The following DELE1 variants were observed in gnomAD, a reference collection of about 807,000 sequenced individuals.
DELE1 encodes death ligand signal enhancer.
A neutral mutation model predicts 59.3 loss-of-function variants in DELE1; 54 were observed. That is an observed-to-expected ratio of 0.91 (90% CI 0.73 to 1.14). The LOEUF is 1.14. Among genes scored for constraint, DELE1 ranks in the 50% most tolerant of loss-of-function variants. The probability of loss-of-function intolerance (pLI) is 0.00; values close to 1 mark genes in which losing one functional copy is unlikely to be tolerated. For missense variants in DELE1, 636 were observed against 643.9 expected (o/e 0.99, Z 0.13); for synonymous variants, 264 against 259.1 (o/e 1.02, Z -0.18).
chr5:141,926,564 A>G (rs1751440429), intron 3 of DELE1, among the ~76,000 whole-genome samples: 1 of 152,194 alleles, frequency 6.6e-6, no homozygotes, highest in Admixed American at 6.5e-5. Flanking sequence ...TGACACACAC[A>G]TCACTCTCAT....
At position 141,939,502 on chromosome 5, in the gene DELE1, G is replaced by T. The variant is rs781321302; in HGVS notation, c.*743G>T. ...TCGTTTTCATTTCACCTTTGATTTGGAAGGAAGAAGTTTCTTGCCCAAATG... is the reference window on the plus strand; with the variant it reads ...TCGTTTTCATTTCACCTTTGATTTGTAAGGAAGAAGTTTCTTGCCCAAATG... On this transcript the variant is annotated 3_prime_UTR_variant, in exon 12 of 12. Coordinates refer to ENST00000432126, the MANE Select transcript of DELE1 (RefSeq NM_014773.5). 1.0e-6 allele frequency: 1 copy of T among 985,698 alleles called. No homozygotes were observed. The allele number at this position is 985,698 out of a possible 1,614,324, so 61.1% of individuals were successfully genotyped here.
At position 141,940,152 on chromosome 5, in the gene DELE1, A is replaced by G. The variant is rs1752651057; in HGVS notation, c.*1393A>G. The G allele has an allele frequency of 4.1e-6, 4 of 985,284 alleles. No homozygotes were observed. The highest frequency in any genetic ancestry group is 4.8e-6 in the Non-Finnish European group (4 of 829,792). The allele number at this position is 985,284 out of a possible 1,614,324, so 61.0% of individuals were successfully genotyped here. A position where few individuals can be genotyped will look rare whatever the true frequency, so the allele number is the denominator to read the frequency against. ...AATAAAACAGATATTGGATTATCTC[A>G]TCACTCTTGCCCTTGAGTATTATGG... On this transcript the variant is annotated 3_prime_UTR_variant, in exon 12 of 12. Transcript: ENST00000432126.
chr5:141,924,977 G>A (rs910836974), intron 2 of DELE1, among the ~76,000 whole-genome samples: 1 of 151,818 alleles, frequency 6.6e-6, no homozygotes, highest in African/African-American at 2.4e-5. Context: ...GCCCAGGCTG[G>A]AGTGCAGTGG....
At position 141,930,284 on chromosome 5, in the gene DELE1, T is replaced by C. The variant is rs547008897; in HGVS notation, c.754+10T>C. On this transcript the variant is annotated intron_variant, in intron 7 of 11. Transcript: ENST00000432126. ...GCTTTCAACTTCCTGGGTAACCAAATGGACCCTGCCCCAAGGCAGGAGGGT... is the reference window on the plus strand; with the variant it reads ...GCTTTCAACTTCCTGGGTAACCAAACGGACCCTGCCCCAAGGCAGGAGGGT... The C allele has an allele frequency of 5.0e-6, 8 of 1,597,996 alleles. No individual in the cohort carries two copies. The African/African-American group carries it at 1.1e-4, about 21-fold the overall frequency.
chr5:141,940,212 G>A lies in DELE1; in HGVS notation c.*1453G>A. 1 of 985,444 alleles carries A rather than the reference G, an allele frequency of 1.0e-6. No homozygotes were observed. The highest frequency in any genetic ancestry group is 1.2e-6 in the Non-Finnish European group (1 of 829,950). The allele number at this position is 985,444 out of a possible 1,614,324, so 61.0% of individuals were successfully genotyped here. On this transcript the variant is annotated 3_prime_UTR_variant, in exon 12 of 12. Transcript: ENST00000432126. Reference sequence around the variant, plus strand: ...GGGAGACGGGCAGGGGGAGCTGAAAGCTGAGGCTCCGTCCTCATCTCTAAA... The same window carrying A: ...GGGAGACGGGCAGGGGGAGCTGAAAACTGAGGCTCCGTCCTCATCTCTAAA...
chr5:141,926,455 A>T (rs1347201117), intron 3 of DELE1, among the ~76,000 whole-genome samples: 1 of 152,216 alleles, frequency 6.6e-6, no homozygotes, highest in Non-Finnish European at 1.5e-5. Context: ...ATAAGGTCAG[A>T]TTCTTACTAG....
At chr5:141,937,795 G>A (rs1752490952) in intron 11 of DELE1, among the ~76,000 whole-genome samples, 1 of 145,440 alleles carries the variant, frequency 6.9e-6, no homozygotes, top group African/African-American at 2.5e-5. Context: ...AAAAAAGAAT[G>A]CAGCTTTTGG....
rs1488266550 is a variant in DELE1 at position 141,933,107 on chromosome 5, AAAAAATAT to A, written c.755-150_755-143del. The A allele has an allele frequency of 2.2e-3, 332 of 153,360 alleles. 2 individuals are homozygous for A. Among genetic ancestry groups the A allele is most frequent in the African/African-American group, 9.0e-3 (322 of 35,702 alleles). The allele number at this position is 153,360 out of a possible 1,614,324, so 9.5% of individuals were successfully genotyped here. ...AAGACTCCATCTCAAAAAAAAAAAA[AAAAAATAT>A]ATATATATATATATATATATGTAAA... On this transcript the variant is annotated intron_variant, in intron 7 of 11. Coordinates refer to ENST00000432126, the MANE Select transcript of DELE1 (RefSeq NM_014773.5).
At chr5:141,926,988 C>T (rs772485526) in intron 3 of DELE1, among the ~76,000 whole-genome samples, 1 of 152,236 alleles carries the variant, frequency 6.6e-6, no homozygotes, top group African/African-American at 2.4e-5. Flanking sequence ...CCACACGTCA[C>T]CCCCACAGAC....
intron 3 of DELE1, among the ~76,000 whole-genome samples, chr5:141,925,845 G>A (rs1296254610): frequency 1.1e-5 from 1 of 87,224 alleles, no homozygotes; most frequent in Non-Finnish European, 2.0e-5. Flanking sequence ...ATAATACATT[G>A]CATCTTTTTT....
In DELE1 at chr5:141,925,499, C is replaced by T. The variant is rs781438904; in HGVS notation, c.236C>T (p.Pro79Leu). Residue 79 changes from proline (P) to leucine (L), a missense_variant, in exon 3 of 12, where the codon CCG (proline) becomes CTG (leucine). Coordinates refer to ENST00000432126, the MANE Select transcript of DELE1 (RefSeq NM_014773.5). ...CAATGGATGTCTTCCCGTGTCTCCC[C>T]GAACACCCTATGGGATGCCATATCT... The part of the protein sequence containing the change: ...AFQWMSSRVS[P>L]NTLWDAISWG... 2.7e-5 allele frequency: 43 copies of T among 1,601,996 alleles called. No individual in the cohort carries two copies. The highest frequency in any genetic ancestry group is 1.7e-4 in the Middle Eastern group (1 of 6,050).
chr5:141,938,280 C>T (rs1752525706), intron 11 of DELE1, among the ~76,000 whole-genome samples: 1 of 152,148 alleles, frequency 6.6e-6, no homozygotes, highest in South Asian at 2.1e-4. Context: ...TTAGCACAGC[C>T]TGACAGCACA....
Position 141,924,758 on chromosome 5 carries a change from T to A in DELE1, c.146+63T>A, listed in dbSNP as rs1054631031. Reference sequence around the variant, plus strand: ...AGTCACCCTTTTTTTTTATTTTTTTTTTTTTGTTGTTTTTTGAGATGGAGT... The same window carrying A: ...AGTCACCCTTTTTTTTTATTTTTTTATTTTTGTTGTTTTTTGAGATGGAGT... On this transcript the variant is annotated intron_variant, in intron 2 of 11. Coordinates refer to ENST00000432126, the MANE Select transcript of DELE1 (RefSeq NM_014773.5). 5.6e-4 allele frequency: 596 copies of A among 1,060,540 alleles called. 5 individuals carry two copies. Among genetic ancestry groups the A allele is most frequent in the Non-Finnish European group, 5.1e-4 (365 of 720,192 alleles). 65.7% of individuals were successfully genotyped at this position (1,060,540 alleles called of 1,614,324 possible). A position where few individuals can be genotyped will look rare whatever the true frequency, so the allele number is the denominator to read the frequency against.
Position 141,941,477 on chromosome 5 carries a change from C to T in DELE1, c.*2718C>T, listed in dbSNP as rs1451896826. The stretch of plus-strand genomic sequence containing the variant: ...CTTGATCCAGCCCCAGGGGGATGGG[C>T]TTCACTGGCAGAGCTGGGTACTGCT... On this transcript the variant is annotated 3_prime_UTR_variant, in exon 12 of 12. Coordinates refer to ENST00000432126, the MANE Select transcript of DELE1 (RefSeq NM_014773.5). The T allele has an allele frequency of 2.0e-6, 2 of 985,374 alleles. No homozygotes were observed. The highest frequency in any genetic ancestry group is 1.7e-5 in the African/African-American group (1 of 57,248). The allele number at this position is 985,374 out of a possible 1,614,324, so 61.0% of individuals were successfully genotyped here.
At chr5:141,938,227 C>G (rs905149079) in intron 11 of DELE1, among the ~76,000 whole-genome samples, 12 of 152,162 alleles carry the variant, frequency 7.9e-5, no homozygotes, top group African/African-American at 2.9e-4. Flanking sequence ...GCACCTAACT[C>G]ATTAAGTTGT....
At position 141,937,319 on chromosome 5, in the gene DELE1, AG is replaced by A; in HGVS notation, c.1273del (p.Glu425ArgfsTer19). The stretch of plus-strand genomic sequence containing the variant: ...GCCGCTCTGGGAAATGAGGCCGCCC[AG>A]GAGAGGCTGCGAGCCCTCTTTTCCA... ...QSAALGNEAA[Q>X]ERLRALFSMG... On this transcript the variant is annotated frameshift_variant, in exon 11 of 12. Transcript: ENST00000432126. LOFTEE classifies it high-confidence loss of function. 6.2e-7 allele frequency: 1 copy of A among 1,614,206 alleles called. No individual in the cohort carries two copies. Among genetic ancestry groups the A allele is most frequent in the Non-Finnish European group, 8.5e-7 (1 of 1,180,048 alleles).
In DELE1 at chr5:141,938,753, T is replaced by A; in HGVS notation, c.1542T>A (p.Phe514Leu). The A allele has an allele frequency of 6.2e-7, 1 of 1,610,776 alleles. No homozygotes were observed. The highest frequency in any genetic ancestry group is 1.3e-5 in the African/African-American group (1 of 74,960). ...PLERSVVRLG[F>L]G ...AAAGGAGTGTTGTAAGACTAGGTTTTGGCTAAGGTGAGATAAAACATAGTC... is the reference window on the plus strand; with the variant it reads ...AAAGGAGTGTTGTAAGACTAGGTTTAGGCTAAGGTGAGATAAAACATAGTC... The change falls in exon 12 of 12, where the codon TTT (phenylalanine) becomes TTA (leucine). Residue 514 changes from phenylalanine to leucine, a missense_variant. Coordinates refer to ENST00000432126, the MANE Select transcript of DELE1 (RefSeq NM_014773.5).
At chr5:141,929,903 G>GT (rs1423610873) in intron 5 of DELE1, 86 bp from the exon 6 acceptor site, 1 of 1,530,330 alleles carries the variant, frequency 6.5e-7, no homozygotes, top group Non-Finnish European at 9.0e-7. Context: ...GTGCTGGCTG[G>GT]AAAGCCTGGG....
chr5:141,934,185 G>A (rs894626434), intron 8 of DELE1, 55 bp from the exon 9 acceptor site: 4 of 1,503,798 alleles, frequency 2.7e-6, no homozygotes, highest in Non-Finnish European at 3.6e-6. Context: ...TTCACTGAGT[G>A]CAAAAGATGC....
Sources: allele counts gnomAD v4.1 joint callset (sites outside exome capture counted in the v4.1 genomes callset), GRCh38; gene constraint gnomAD v4.1.1; transcripts MANE v1.5; gene names NCBI Gene and HGNC (gene_info 2026-07-23, HGNC 2026-07-21).